The following PGAP1 variants were observed in gnomAD, a reference collection of about 807,000 sequenced individuals.
PGAP1 encodes the protein GPI inositol-deacylase.
Under a neutral mutation model 127.0 loss-of-function variants are expected in PGAP1, and 76 were observed. The observed-to-expected ratio is 0.60, with a 90% CI of 0.50 to 0.72. PGAP1 has a LOEUF of 0.72. PGAP1 is among the 30% of genes least tolerant of loss of function. The pLI, the probability that PGAP1 is intolerant of heterozygous loss-of-function variation, is 0.00. For missense variants in PGAP1, 982 were observed against 1,071.3 expected, an observed-to-expected ratio of 0.92 and a Z score of 1.16; for synonymous variants, 362 against 366.5, an observed-to-expected ratio of 0.99 and a Z score of 0.14.
Position 196,873,778 on chromosome 2 carries a change from G to T in PGAP1, c.1427-20C>A, listed in dbSNP as rs1313692937. 1.3e-6 allele frequency: 2 copies of T among 1,510,028 alleles called. No individual in the cohort carries two copies. Among genetic ancestry groups the T allele is most frequent in the Non-Finnish European group, 1.8e-6 (2 of 1,086,998 alleles). The allele number at this position is 1,510,028 out of a possible 1,614,324, so 93.5% of individuals were successfully genotyped here. ...ACAATCCTGTTGAATTCAAAGTACT[G>T]TATTACTTAGAATATCAAGGAAGTT... On this transcript the variant is annotated intron_variant, in intron 14 of 26. Coordinates refer to ENST00000354764, the MANE Select transcript of PGAP1 (RefSeq NM_024989.4).
In PGAP1 at chr2:196,838,314, A is replaced by T. The variant is rs905112569; in HGVS notation, c.*2920T>A. Reference sequence around the variant, plus strand: ...TTAGATAATCTATAACCGCCAATAAATAATTTCATTTTTGTTAACATTGCT... The same window carrying T: ...TTAGATAATCTATAACCGCCAATAATTAATTTCATTTTTGTTAACATTGCT... On this transcript the variant is annotated 3_prime_UTR_variant, in exon 27 of 27. Transcript: ENST00000354764. 6.6e-6 allele frequency: 1 copy of T among 152,222 alleles called. No individual in the cohort carries two copies. Among genetic ancestry groups the T allele is most frequent in the Non-Finnish European group, 1.5e-5 (1 of 68,034 alleles). 9.4% of individuals were successfully genotyped at this position (152,222 alleles called of 1,614,324 possible).
intron 10 of PGAP1, among the ~76,000 whole-genome samples, chr2:196,887,154 G>A (rs1335613616): frequency 1.3e-5 from 2 of 151,830 alleles, no homozygotes; most frequent in Admixed American, 1.3e-4. Flanking sequence ...GGAGGCCAAG[G>A]CAGGCGGATC....
At chr2:196,891,605 G>A (rs191599879) in intron 9 of PGAP1, among the ~76,000 whole-genome samples, 7 of 151,406 alleles carry the variant, frequency 4.6e-5, no homozygotes, top group Non-Finnish European at 7.4e-5. Context: ...TTCTGATAAT[G>A]AGTAAATATA....
intron 7 of PGAP1, 50 bp from the exon 8 acceptor site, chr2:196,893,295 G>A: frequency 9.9e-7 from 1 of 1,012,364 alleles, no homozygotes; most frequent in African/African-American, 1.6e-5. Context: ...TATTGTAATA[G>A]CTTGATGAAA....
At chr2:196,896,067 T>G (rs1467645453) in intron 7 of PGAP1, among the ~76,000 whole-genome samples, 1 of 152,198 alleles carries the variant, frequency 6.6e-6, no homozygotes, top group Admixed American at 6.5e-5. Flanking sequence ...TGGAAAGAAT[T>G]CTCTGAATTT....
chr2:196,878,918 G>A (rs1000266114), intron 13 of PGAP1, among the ~76,000 whole-genome samples: 1 of 152,154 alleles, frequency 6.6e-6, no homozygotes, highest in Non-Finnish European at 1.5e-5. Flanking sequence ...ATGTGACTAG[G>A]ACAATTAGGG....
intron 22 of PGAP1, 79 bp downstream of exon 22, chr2:196,846,923 AT>A: frequency 8.3e-7 from 1 of 1,201,416 alleles, no homozygotes; most frequent in Admixed American, 2.8e-5. Context: ...TTTAGTAAAA[AT>A]AATTAATTTC....
intron 18 of PGAP1, 33 bp from the exon 19 acceptor site, chr2:196,871,012 A>G (rs1701393855): frequency 4.1e-6 from 6 of 1,479,098 alleles, no homozygotes; most frequent in Non-Finnish European, 5.7e-6. Context: ...AAAAAAGGTT[A>G]TTTTCCTCTA....
intron 14 of PGAP1, 66 bp downstream of exon 14, chr2:196,875,680 C>G (rs973263267): frequency 7.2e-6 from 6 of 838,886 alleles, no homozygotes; most frequent in Non-Finnish European, 1.2e-5. Flanking sequence ...TTACAAAGCT[C>G]TGCTTTACTG....
intron 11 of PGAP1, 113 bp from the exon 12 acceptor site, chr2:196,885,588 A>C: frequency 1.3e-6 from 1 of 778,796 alleles, no homozygotes; most frequent in East Asian, 2.8e-5. Flanking sequence ...AGAGATGTCT[A>C]TTGAGCCTAA....
chr2:196,882,319 T>C (rs1394879544), intron 12 of PGAP1, among the ~76,000 whole-genome samples: 1 of 152,156 alleles, frequency 6.6e-6, no homozygotes, highest in Non-Finnish European at 1.5e-5. Context: ...TTAGGATTGG[T>C]TTGGCTTTAC....
At chr2:196,919,720 C>T (rs1559373558) in intron 2 of PGAP1, among the ~76,000 whole-genome samples, 1 of 152,206 alleles carries the variant, frequency 6.6e-6, no homozygotes, top group African/African-American at 2.4e-5. Flanking sequence ...TGCTGATTCC[C>T]CAAGGGGTTC....
chr2:196,921,201 A>AC lies in PGAP1; in HGVS notation c.148-1052_148-1051insG, dbSNP rs1432714576. 5.4e-3 allele frequency among the ~76,000 whole-genome samples: 819 copies of AC among 150,304 alleles called. 3 individuals carry two copies. The highest frequency in any genetic ancestry group is 0.031 in the Middle Eastern group (9 of 294). ...CCCTCGTTGTTCTAAAAAAAAAAAA[A>AC]ACACACACACACAAAACAACAAAAT... On this transcript the variant is annotated intron_variant, in intron 1 of 26. Coordinates refer to ENST00000354764, the MANE Select transcript of PGAP1 (RefSeq NM_024989.4).
chr2:196,916,009 T>C (rs1050178090), intron 3 of PGAP1, among the ~76,000 whole-genome samples: 4 of 152,158 alleles, frequency 2.6e-5, no homozygotes, highest in Admixed American at 6.5e-5. Flanking sequence ...GGGATCATAG[T>C]CCTTTGCTGC....
At chr2:196,867,989 C>T (rs1701294837) in intron 19 of PGAP1, among the ~76,000 whole-genome samples, 1 of 152,174 alleles carries the variant, frequency 6.6e-6, no homozygotes, top group Non-Finnish European at 1.5e-5. Context: ...GGGAAATATA[C>T]TCTACTTATC....
rs1429851529 is a variant in PGAP1 at position 196,880,224 on chromosome 2, C to T, written c.1273-71G>A. ...TGCATGTTTAAAGAAAAATAAATAA[C>T]ACTTATTTCTTACTTAATTCGTTAT... On this transcript the variant is annotated intron_variant, in intron 12 of 26. Coordinates refer to ENST00000354764, the MANE Select transcript of PGAP1 (RefSeq NM_024989.4). 3.2e-6 allele frequency: 3 copies of T among 926,862 alleles called. No homozygotes were observed. In the Admixed American group the frequency reaches 9.9e-5, roughly 31 times the overall value. 57.4% of individuals were successfully genotyped at this position (926,862 alleles called of 1,614,324 possible).
intron 20 of PGAP1, among the ~76,000 whole-genome samples, chr2:196,848,523 C>G (rs1473165444): frequency 2.0e-5 from 3 of 152,116 alleles, no homozygotes; most frequent in African/African-American, 7.2e-5. Context: ...AAAGATAGGC[C>G]TATTCTGAAC....
rs950389637 is a variant in PGAP1, at chr2:196,834,660, T to C, written c.*6574A>G. The C allele has an allele frequency of 2.6e-5, 4 of 152,022 alleles. No homozygotes were observed. Among genetic ancestry groups the C allele is most frequent in the Non-Finnish European group, 5.9e-5 (4 of 67,866 alleles). 9.4% of individuals were successfully genotyped at this position (152,022 alleles called of 1,614,324 possible). A position where few individuals can be genotyped will look rare whatever the true frequency, so the allele number is the denominator to read the frequency against. ...ATATGTAACATAATTTCCTAATTTA[T>C]ATACAGTATAAATCGGGAGTTTTTT... On this transcript the variant is annotated 3_prime_UTR_variant, in exon 27 of 27. Coordinates refer to ENST00000354764, the MANE Select transcript of PGAP1 (RefSeq NM_024989.4).
chr2:196,840,205 C>T lies in PGAP1; in HGVS notation c.*1029G>A, dbSNP rs546911489. 6.6e-6 allele frequency: 1 copy of T among 152,160 alleles called. No individual in the cohort carries two copies. The highest frequency in any genetic ancestry group is 1.9e-4 in the East Asian group (1 of 5,194). 9.4% of individuals were successfully genotyped at this position (152,160 alleles called of 1,614,324 possible). On this transcript the variant is annotated 3_prime_UTR_variant, in exon 27 of 27. Coordinates refer to ENST00000354764, the MANE Select transcript of PGAP1 (RefSeq NM_024989.4). ...TTTATTCAGGTGTACTGTTTATACT[C>T]ATGCTACTAATGGGTTAACAGTTGT...
Sources: allele counts gnomAD v4.1 joint callset (sites outside exome capture counted in the v4.1 genomes callset), GRCh38; gene constraint gnomAD v4.1.1; transcripts MANE v1.5; gene names NCBI Gene and HGNC (gene_info 2026-07-23, HGNC 2026-07-21).